The following KLHL1 variants were observed in gnomAD, a reference collection of about 807,000 sequenced individuals.
KLHL1 encodes kelch like family member 1.
In KLHL1, 47 loss-of-function variants were observed where a neutral mutation model predicts 77.7. The ratio of observed to expected loss-of-function variants is 0.60; its 90% CI spans 0.48 to 0.77. The LOEUF is 0.77. KLHL1 is among the 30% of genes least tolerant of loss of function. KLHL1 has a pLI of 0.00. For synonymous variants in KLHL1, 360 were observed against 325.2 expected (o/e 1.11, Z -1.15); for missense variants, 925 against 910.8 (o/e 1.02, Z -0.20).
intron 1 of KLHL1, among the ~76,000 whole-genome samples, chr13:70,027,250 C>T (rs1227705242): frequency 1.3e-5 from 2 of 151,940 alleles, no homozygotes; most frequent in African/African-American, 4.8e-5. Context: ...CATTATATTC[C>T]TGAGCACTGA....
chr13:69,940,003 A>T, intron 4 of KLHL1, 37 bp downstream of exon 4: 1 of 1,467,286 alleles, frequency 6.8e-7, no homozygotes, highest in Non-Finnish European at 9.3e-7. Flanking sequence ...GATAACACAG[A>T]GTGTGTCTCC....
chr13:69,958,961 C>T (rs1293813276), intron 3 of KLHL1, among the ~76,000 whole-genome samples: 1 of 152,004 alleles, frequency 6.6e-6, no homozygotes, highest in African/African-American at 2.4e-5. Context: ...TAATTTGTTA[C>T]ATTGTATATG....
intron 1 of KLHL1, among the ~76,000 whole-genome samples, chr13:70,081,085 AC>A (rs1887380713): frequency 6.6e-6 from 1 of 152,186 alleles, no homozygotes; most frequent in Non-Finnish European, 1.5e-5. Flanking sequence ...GTCCTTTAAA[AC>A]ACACATTTGA....
At chr13:69,941,937 C>G (rs1335444223) in intron 3 of KLHL1, among the ~76,000 whole-genome samples, 3 of 151,776 alleles carry the variant, frequency 2.0e-5, no homozygotes, top group Non-Finnish European at 2.9e-5. Flanking sequence ...TCTGAACAAT[C>G]AAGTACTTAG....
At chr13:69,803,861 C>T (rs981183650) in intron 6 of KLHL1, among the ~76,000 whole-genome samples, 1 of 152,156 alleles carries the variant, frequency 6.6e-6, no homozygotes, top group Non-Finnish European at 1.5e-5. Context: ...ACAAGGAATA[C>T]ATTTTGTCAA....
chr13:69,766,168 T>G (rs186787481), intron 7 of KLHL1, among the ~76,000 whole-genome samples: 45 of 152,270 alleles, frequency 3.0e-4, no homozygotes, highest in Non-Finnish European at 5.6e-4. Flanking sequence ...TATATGAATA[T>G]TATTGACCAT....
At chr13:69,796,130 C>G (rs904091585) in intron 7 of KLHL1, among the ~76,000 whole-genome samples, 1 of 152,118 alleles carries the variant, frequency 6.6e-6, no homozygotes, top group Non-Finnish European at 1.5e-5. Flanking sequence ...TTTTAGAGAA[C>G]TTTAATATGT....
intron 4 of KLHL1, among the ~76,000 whole-genome samples, chr13:69,911,257 T>C (rs1421300133): frequency 2.0e-5 from 3 of 152,130 alleles, no homozygotes; most frequent in Non-Finnish European, 4.4e-5. Context: ...TTGAATATAA[T>C]TTTTAGTATG....
At position 69,871,103 on chromosome 13, in the gene KLHL1, CCA is replaced by C. The variant is rs1243488477; in HGVS notation, c.1227+11178_1227+11179del. Among the ~76,000 whole-genome samples, 5 of 152,258 alleles carry C rather than the reference CCA, an allele frequency of 3.3e-5. No homozygotes were observed. The East Asian group carries it at 7.7e-4, about 24-fold the overall frequency. ...TCCTCTGAAATCTAGGTGGAAGCTG[CCA>C]AGCTTCCACCGCTTTTCCATTGTGG... On this transcript the variant is annotated intron_variant, in intron 5 of 10. Coordinates refer to ENST00000377844, the MANE Select transcript of KLHL1 (RefSeq NM_020866.3).
At chr13:69,948,110 T>C (rs1300004255) in intron 3 of KLHL1, among the ~76,000 whole-genome samples, 1 of 151,916 alleles carries the variant, frequency 6.6e-6, no homozygotes, top group African/African-American at 2.4e-5. Context: ...AAAAATGAAA[T>C]GTTTATAATC....
At chr13:69,987,464 C>A (rs1305164516) in intron 1 of KLHL1, among the ~76,000 whole-genome samples, 1 of 151,806 alleles carries the variant, frequency 6.6e-6, no homozygotes, top group African/African-American at 2.4e-5. Flanking sequence ...AGCTTTTTTT[C>A]TGCCTTCCTG....
intron 3 of KLHL1, among the ~76,000 whole-genome samples, chr13:69,956,527 A>G (rs60954548): frequency 0.13 from 19,396 of 151,320 alleles, 1,937 homozygotes; most frequent in East Asian, 0.29. Flanking sequence ...TACTCAAACT[A>G]TTTTGAGAGC....
intron 8 of KLHL1, among the ~76,000 whole-genome samples, chr13:69,722,440 A>G (rs568962929): frequency 5.3e-4 from 81 of 152,100 alleles, no homozygotes; most frequent in African/African-American, 1.8e-3. Context: ...ACCTATATCT[A>G]TCTAATCTAG....
intron 2 of KLHL1, among the ~76,000 whole-genome samples, chr13:69,966,289 A>T (rs190136664): frequency 6.6e-6 from 1 of 152,172 alleles, no homozygotes; most frequent in African/African-American, 2.4e-5. Flanking sequence ...ATAGAAGCCA[A>T]TTCTCATTAC....
chr13:69,763,401 T>G (rs935914308), intron 7 of KLHL1, among the ~76,000 whole-genome samples: 6 of 152,204 alleles, frequency 3.9e-5, no homozygotes, highest in Non-Finnish European at 8.8e-5. Context: ...AGGAGCATCC[T>G]CTAAACTCTC....
chr13:69,790,758 T>C (rs567102486), intron 7 of KLHL1, among the ~76,000 whole-genome samples: 88 of 152,178 alleles, frequency 5.8e-4, no homozygotes, highest in Non-Finnish European at 1.2e-3. Context: ...AAAACATTCA[T>C]TGAACTAGGG....
chr13:70,083,967 C>G (rs1463874459), intron 1 of KLHL1, among the ~76,000 whole-genome samples: 1 of 151,864 alleles, frequency 6.6e-6, no homozygotes, highest in Non-Finnish European at 1.5e-5. Flanking sequence ...ATTTAAAAAA[C>G]CCTTTTATAT....
chr13:70,106,756 G>A (rs1002087252), intron 1 of KLHL1, among the ~76,000 whole-genome samples: 1 of 152,166 alleles, frequency 6.6e-6, no homozygotes, highest in Admixed American at 6.5e-5. Flanking sequence ...TCCTGGAATA[G>A]ATTCAAACCA....
intron 3 of KLHL1, among the ~76,000 whole-genome samples, chr13:69,944,212 T>G (rs1209455841): frequency 2.6e-5 from 4 of 152,104 alleles, no homozygotes; most frequent in African/African-American, 7.2e-5. Flanking sequence ...TTTTGTTCTG[T>G]GTTAGATGCA....
Sources: gnomAD v4.1 joint callset for allele counts (sites outside exome capture counted in the v4.1 genomes callset) on GRCh38, gnomAD v4.1.1 for gene constraint, MANE v1.5 for transcripts, NCBI Gene and HGNC (gene_info 2026-07-23, HGNC 2026-07-21) for gene names.